The following GARIN2 variants were observed in gnomAD, a reference collection of about 807,000 sequenced individuals.
GARIN2 encodes the protein Golgi-associated RAB2 interactor protein 2.
chr14:67,193,027 T>C, the GARIN2 span, among the ~76,000 whole-genome samples: 1 of 145,940 alleles, frequency 6.9e-6, no homozygotes, highest in Non-Finnish European at 1.5e-5. Context: ...TATAGATATA[T>C]CTCTATCAAT....
chr14:67,192,294 C>G, the GARIN2 span, among the ~76,000 whole-genome samples: 1 of 152,152 alleles, frequency 6.6e-6, no homozygotes, highest in African/African-American at 2.4e-5. Flanking sequence ...TGCCATGGAG[C>G]TAGCTCTGTG....
chr14:67,204,831 C>T, the GARIN2 span: 6 of 1,613,982 alleles, frequency 3.7e-6, no homozygotes, highest in Non-Finnish European at 5.1e-6. Context: ...TGACCCCGTA[C>T]ATGTATGCAG....
chr14:67,207,300 A>C, the GARIN2 span, among the ~76,000 whole-genome samples: 1 of 152,108 alleles, frequency 6.6e-6, no homozygotes, highest in African/African-American at 2.4e-5. Context: ...CGTGTGGAAG[A>C]GAAGGGGAGC....
the GARIN2 span, among the ~76,000 whole-genome samples, chr14:67,210,003 A>G: frequency 6.9e-3 from 1,046 of 152,272 alleles, 18 homozygotes; most frequent in African/African-American, 0.024. Context: ...AATACAAGTT[A>G]AGCAATTACC....
the GARIN2 span, chr14:67,205,190 T>G: frequency 6.6e-6 from 8 of 1,207,066 alleles, no homozygotes; most frequent in Admixed American, 8.4e-5. Context: ...CAAAATGCTA[T>G]GGAACCTACC....
chr14:67,200,199 GC>G, the GARIN2 span: 33 of 1,127,974 alleles, frequency 2.9e-5, no homozygotes, highest in Non-Finnish European at 3.9e-5. Flanking sequence ...CTCCACTGAT[GC>G]CCCCCATGGA....
the GARIN2 span, among the ~76,000 whole-genome samples, chr14:67,212,288 C>A: frequency 6.6e-6 from 1 of 150,978 alleles, no homozygotes; most frequent in South Asian, 2.1e-4. Context: ...AATGTATCTT[C>A]TTTAAAATGG....
At chr14:67,209,456 A>C in the GARIN2 span, among the ~76,000 whole-genome samples, 1 of 152,234 alleles carries the variant, frequency 6.6e-6, no homozygotes, top group Non-Finnish European at 1.5e-5. Context: ...TAACAATTAC[A>C]AATCTCTGCC....
At chr14:67,225,969 GCGCGCGTGCGCA>G in the GARIN2 span, among the ~76,000 whole-genome samples, 12 of 147,146 alleles carry the variant, frequency 8.2e-5, no homozygotes, top group African/African-American at 2.6e-4. Flanking sequence ...GTGTGCGCGC[GCGCGCGTGCGCA>G]TGCGCGTGCA....
At chr14:67,193,829 C>T in the GARIN2 span, among the ~76,000 whole-genome samples, 2 of 146,232 alleles carry the variant, frequency 1.4e-5, no homozygotes, top group African/African-American at 5.0e-5. Context: ...CCTGTAATGC[C>T]AACTATTCAG....
the GARIN2 span, chr14:67,201,539 T>G: frequency 5.5e-5 from 25 of 455,858 alleles, no homozygotes; most frequent in African/African-American, 4.4e-4. Flanking sequence ...CTGAGAAACG[T>G]TTTCCAGGGT....
the GARIN2 span, among the ~76,000 whole-genome samples, chr14:67,202,224 C>T: frequency 2.6e-5 from 4 of 152,092 alleles, no homozygotes; most frequent in African/African-American, 4.8e-5. Context: ...GTGGATCACC[C>T]GAGGTCAGGA....
chr14:67,202,898 G>A, the GARIN2 span, among the ~76,000 whole-genome samples: 1 of 152,106 alleles, frequency 6.6e-6, no homozygotes, highest in Non-Finnish European at 1.5e-5. Flanking sequence ...GCCTTCCCTG[G>A]TAGGCCCCCA....
the GARIN2 span, among the ~76,000 whole-genome samples, chr14:67,191,102 C>T: frequency 2.2e-4 from 34 of 152,230 alleles, 1 homozygote; most frequent in Middle Eastern, 6.8e-3. Context: ...GGCATGGTGG[C>T]GGGCGCCTCT....
At chr14:67,202,081 G>C in the GARIN2 span, among the ~76,000 whole-genome samples, 4 of 152,204 alleles carry the variant, frequency 2.6e-5, no homozygotes. Context: ...GGGTGTGCCA[G>C]AACTGGTCGA....
the GARIN2 span, among the ~76,000 whole-genome samples, chr14:67,193,380 G>GATATATCTAGATATATATCT: frequency 7.9e-6 from 1 of 126,064 alleles, no homozygotes; most frequent in Non-Finnish European, 1.7e-5. Context: ...TATATATCTA[G>GATATATCTAGATATATATCT]ATATATCTAG....
At chr14:67,213,529 G>A in the GARIN2 span, among the ~76,000 whole-genome samples, 2 of 151,812 alleles carry the variant, frequency 1.3e-5, no homozygotes, top group African/African-American at 2.4e-5. Context: ...ATTCCATGGT[G>A]TATATGTGCC....
the GARIN2 span, among the ~76,000 whole-genome samples, chr14:67,207,866 T>A: frequency 6.6e-6 from 1 of 152,176 alleles, no homozygotes; most frequent in Non-Finnish European, 1.5e-5. Flanking sequence ...GACTGGGGAA[T>A]CAGTGGCATT....
the GARIN2 span, among the ~76,000 whole-genome samples, chr14:67,216,351 G>A: frequency 1.3e-5 from 2 of 151,898 alleles, no homozygotes; most frequent in African/African-American, 4.8e-5. Flanking sequence ...CATAGAATGA[G>A]TTAATCACGT....
Sources: gnomAD v4.1 joint callset for allele counts (sites outside exome capture counted in the v4.1 genomes callset) on GRCh38, gnomAD v4.1.1 for gene constraint, MANE v1.5 for transcripts, NCBI Gene and HGNC (gene_info 2026-07-23, HGNC 2026-07-21) for gene names.